Variants in RANBP17 observed in about 807,000 individuals in gnomAD.
RANBP17 encodes the protein ran-binding protein 17.
RANBP17 carries 158 observed loss-of-function variants against 141.2 expected under a neutral mutation model. That is an observed-to-expected ratio of 1.12 (90% CI 0.98 to 1.28). The LOEUF is 1.28. Among genes scored for constraint, RANBP17 ranks in the 50% most tolerant of loss-of-function variants. RANBP17 has a pLI of 0.00. For missense variants in RANBP17, 1,438 were observed against 1,290.7 expected (o/e 1.11, Z -1.75); for synonymous variants, 430 against 450.0 (o/e 0.96, Z 0.56).
chr5:171,268,888 G>C (rs1223824392), intron 25 of RANBP17, among the ~76,000 whole-genome samples: 1 of 152,210 alleles, frequency 6.6e-6, no homozygotes, highest in African/African-American at 2.4e-5. Context: ...AGGAAGTAAT[G>C]TGGTTGGGCA....
intron 14 of RANBP17, among the ~76,000 whole-genome samples, chr5:171,076,014 C>T (rs527714320): frequency 6.6e-6 from 1 of 152,106 alleles, no homozygotes; most frequent in East Asian, 1.9e-4. Flanking sequence ...TGGATTATAT[C>T]TCAATAAGTT....
At chr5:171,121,680 T>C (rs895928234) in intron 14 of RANBP17, among the ~76,000 whole-genome samples, 3 of 152,178 alleles carry the variant, frequency 2.0e-5, no homozygotes, top group African/African-American at 7.2e-5. Context: ...GTGGTTTTCC[T>C]ACTGCGCAGG....
chr5:170,993,936 A>G (rs965269931), intron 14 of RANBP17, among the ~76,000 whole-genome samples: 2 of 152,194 alleles, frequency 1.3e-5, no homozygotes, highest in East Asian at 1.9e-4. Context: ...AAGCCAGTCT[A>G]TTGTATCTCT....
intron 14 of RANBP17, among the ~76,000 whole-genome samples, chr5:171,096,525 A>G (rs1451754530): frequency 1.3e-5 from 2 of 152,214 alleles, no homozygotes; most frequent in Non-Finnish European, 2.9e-5. Flanking sequence ...TAGAAGGAAT[A>G]AAATGTGCAA....
intron 14 of RANBP17, among the ~76,000 whole-genome samples, chr5:171,006,757 A>AT (rs1442215451): frequency 6.6e-6 from 1 of 151,590 alleles, no homozygotes; most frequent in Non-Finnish European, 1.5e-5. Flanking sequence ...AAAAAAAAAA[A>AT]AGAATAGGTC....
At chr5:170,991,301 CAGTT>C (rs1206357304) in intron 14 of RANBP17, among the ~76,000 whole-genome samples, 2 of 151,854 alleles carry the variant, frequency 1.3e-5, no homozygotes, top group African/African-American at 2.4e-5. Context: ...TTAAGTTTAT[CAGTT>C]AGGATTTAAG....
chr5:171,192,252 G>A (rs920757154), intron 18 of RANBP17, among the ~76,000 whole-genome samples: 1 of 152,046 alleles, frequency 6.6e-6, no homozygotes, highest in Non-Finnish European at 1.5e-5. Context: ...GGCAGTAAGG[G>A]GTAAAGAAGC....
intron 14 of RANBP17, among the ~76,000 whole-genome samples, chr5:171,075,957 A>G (rs1407464573): frequency 6.6e-6 from 1 of 151,688 alleles, no homozygotes; most frequent in Admixed American, 6.6e-5. Flanking sequence ...GTGAAAAAAA[A>G]GAAAAAATTA....
At chr5:170,874,019 A>C (rs1767963740) in intron 1 of RANBP17, among the ~76,000 whole-genome samples, 1 of 152,178 alleles carries the variant, frequency 6.6e-6, no homozygotes, top group African/African-American at 2.4e-5. Context: ...CTATAGGTAC[A>C]TCTCAGAGAT....
chr5:171,284,858 C>A (rs1036054421), intron 25 of RANBP17, among the ~76,000 whole-genome samples: 6 of 152,124 alleles, frequency 3.9e-5, no homozygotes, highest in African/African-American at 1.4e-4. Flanking sequence ...TCTCCAGAAC[C>A]TAATCAGTAT....
At chr5:170,959,165 C>T (rs2127510429) in intron 13 of RANBP17, among the ~76,000 whole-genome samples, 1 of 152,256 alleles carries the variant, frequency 6.6e-6, no homozygotes, top group East Asian at 1.9e-4. Context: ...TCTCTCATTG[C>T]TCTCACCTAC....
At position 171,221,832 on chromosome 5, in the gene RANBP17, G is replaced by A. The variant is rs1395890263; in HGVS notation, c.2414G>A (p.Cys805Tyr). ...TTCAGAGAAGCTAGTAAAATGGTTTGCACTTATGGTGAGTGTCCTTTTCCA... is the reference window on the plus strand; with the variant it reads ...TTCAGAGAAGCTAGTAAAATGGTTTACACTTATGGTGAGTGTCCTTTTCCA... ...LLFREASKMV[C>Y]TYGNQILSLG... Residue 805 changes from cysteine to tyrosine, a missense_variant, in exon 22 of 28, where the codon TGC becomes TAC. By Grantham distance (194) the Cys-to-Tyr change is radical. Coordinates refer to ENST00000523189, the MANE Select transcript of RANBP17 (RefSeq NM_022897.5). 1 of 1,591,806 alleles carries A rather than the reference G, an allele frequency of 6.3e-7. No homozygotes were observed. The highest frequency in any genetic ancestry group is 1.7e-5 in the Admixed American group (1 of 59,816).
At chr5:171,282,709 A>T (rs548926886) in intron 25 of RANBP17, among the ~76,000 whole-genome samples, 5 of 151,890 alleles carry the variant, frequency 3.3e-5, no homozygotes, top group Non-Finnish European at 4.4e-5. Flanking sequence ...TGAACTCCTG[A>T]CCTCAGGTGA....
chr5:171,296,836 C>G (rs1768851823), intron 27 of RANBP17, among the ~76,000 whole-genome samples: 1 of 152,218 alleles, frequency 6.6e-6, no homozygotes. Flanking sequence ...TCACTTGAAC[C>G]TGGGAGGCAG....
intron 12 of RANBP17, among the ~76,000 whole-genome samples, chr5:170,929,909 G>C (rs1012270821): frequency 1.3e-5 from 2 of 151,866 alleles, no homozygotes; most frequent in Non-Finnish European, 2.9e-5. Flanking sequence ...TTTCCCTTGG[G>C]GTCAAATTTA....
chr5:170,932,060 G>C (rs2127459221), intron 12 of RANBP17, among the ~76,000 whole-genome samples: 1 of 152,254 alleles, frequency 6.6e-6, no homozygotes, highest in East Asian at 1.9e-4. Context: ...TCTTCCATTT[G>C]TTTGTATCCT....
intron 14 of RANBP17, among the ~76,000 whole-genome samples, chr5:171,013,236 C>T (rs909195541): frequency 6.6e-6 from 1 of 152,158 alleles, no homozygotes; most frequent in East Asian, 1.9e-4. Context: ...GCCCAAACTG[C>T]TGCTTTCAGC....
intron 14 of RANBP17, among the ~76,000 whole-genome samples, chr5:170,971,887 A>G (rs1436754539): frequency 6.6e-6 from 1 of 151,918 alleles, no homozygotes; most frequent in Non-Finnish European, 1.5e-5. Flanking sequence ...GTATTTTTTT[A>G]TTAGAAAACC....
chr5:171,140,213 G>A (rs757533875), intron 14 of RANBP17, among the ~76,000 whole-genome samples: 11 of 151,956 alleles, frequency 7.2e-5, no homozygotes, highest in East Asian at 1.9e-4. Flanking sequence ...ATAGCAACTC[G>A]CACAGTTTGT....
Sources: gnomAD v4.1 joint callset for allele counts (sites outside exome capture counted in the v4.1 genomes callset) on GRCh38, gnomAD v4.1.1 for gene constraint, MANE v1.5 for transcripts, NCBI Gene and HGNC (gene_info 2026-07-23, HGNC 2026-07-21) for gene names.